IPO5: variants seen among roughly 807,000 people sequenced by gnomAD.
The protein encoded by IPO5 is importin-5.
Under a neutral mutation model 143.3 loss-of-function variants are expected in IPO5, and 18 were observed. The ratio of observed to expected loss-of-function variants is 0.13; its 90% confidence interval spans 0.09 to 0.19. IPO5 has a LOEUF of 0.19. Ranked by LOEUF, IPO5 falls within the 10% of genes least tolerant of loss-of-function variation. The pLI, the probability that IPO5 is intolerant of heterozygous loss-of-function variation, is 1.00. For synonymous variants in IPO5, 477 were observed against 465.7 expected, an observed-to-expected ratio of 1.02 and a Z score of -0.31; for missense variants, 1,013 against 1,336.9, an observed-to-expected ratio of 0.76 and a Z score of 3.78.
chr13:97,980,335 A>G (rs930698779), intron 4 of IPO5, among the ~76,000 whole-genome samples: 3 of 152,168 alleles, frequency 2.0e-5, no homozygotes, highest in African/African-American at 7.2e-5. Flanking sequence ...CTCTCAACAG[A>G]CATCATCTGT....
chr13:97,993,268 A>G (rs555562152), intron 11 of IPO5, 43 bp downstream of exon 11: 9 of 1,563,488 alleles, frequency 5.8e-6, no homozygotes, highest in South Asian at 4.6e-5. Context: ...ATTGTGGCCA[A>G]ATTTTTGGAT....
intron 4 of IPO5, chr13:97,981,119 T>A (rs1280720474): frequency 5.6e-6 from 2 of 354,920 alleles, no homozygotes; most frequent in Non-Finnish European, 1.1e-5. Context: ...TCCTCGGCTG[T>A]GAATACTTTT....
At position 98,002,702 on chromosome 13, in the gene IPO5, G is replaced by A; in HGVS notation, c.1252G>A (p.Ala418Thr). Residue 418 changes from alanine (A) to threonine (T), a missense_variant, in exon 15 of 29, where the codon GCA becomes ACA. Around this residue, in one of 2 missense-constraint regions of IPO5, gnomAD observed 685 missense variants for 994.9 expected, o/e 0.69. Coordinates refer to ENST00000651721, the MANE Select transcript of IPO5 (RefSeq NM_002271.6). ...TTTCCAGCATCCAAGAGTAAGGTAT[G>A]CAGCCTGTAATGCCGTGGGACAGAT... Reference protein sequence around the residue: ...LQDPHPRVRYAACNAVGQMAT... With the variant: ...LQDPHPRVRYTACNAVGQMAT... 6.2e-7 allele frequency: 1 copy of A among 1,612,032 alleles called. No homozygotes were observed. Among genetic ancestry groups the A allele is most frequent in the Non-Finnish European group, 8.5e-7 (1 of 1,179,162 alleles).
intron 4 of IPO5, 51 bp downstream of exon 4, chr13:97,976,837 CT>C: frequency 1.3e-6 from 1 of 797,656 alleles, no homozygotes; most frequent in Non-Finnish European, 1.8e-6. Context: ...CGCGCCGACC[CT>C]TTACCGACGC....
chr13:97,967,140 T>A (rs1375404515), intron 2 of IPO5, among the ~76,000 whole-genome samples: 5 of 152,272 alleles, frequency 3.3e-5, no homozygotes, highest in Admixed American at 1.3e-4. Context: ...TTTGCGTTTT[T>A]CTAGAAATGT....
intron 3 of IPO5, among the ~76,000 whole-genome samples, chr13:97,973,230 T>G (rs2139573716): frequency 6.6e-6 from 1 of 152,002 alleles, no homozygotes; most frequent in South Asian, 2.1e-4. Context: ...GTATTTCTAG[T>G]AGAGACGGGG....
intron 17 of IPO5, among the ~76,000 whole-genome samples, chr13:98,006,654 G>C (rs1486792867): frequency 6.6e-6 from 1 of 151,858 alleles, no homozygotes; most frequent in Admixed American, 6.6e-5. Flanking sequence ...GATTACAGGC[G>C]TGAGCCACTG....
chr13:98,015,848 A>G (rs1367139415), intron 24 of IPO5, 67 bp downstream of exon 24: 15 of 961,744 alleles, frequency 1.6e-5, no homozygotes, highest in East Asian at 2.4e-5. Context: ...AAATGCCTCA[A>G]TTTCTGATTT....
chr13:97,969,307 G>C (rs973767680), intron 2 of IPO5, among the ~76,000 whole-genome samples: 1 of 149,338 alleles, frequency 6.7e-6, no homozygotes, highest in Admixed American at 6.7e-5. Flanking sequence ...TCAGCCTCCC[G>C]AGTAGCTGGG....
chr13:98,002,176 G>A (rs1888856178), intron 13 of IPO5: 3 of 179,990 alleles, frequency 1.7e-5, no homozygotes, highest in Admixed American at 5.8e-5. Context: ...CACCGTGCCC[G>A]GCTAATTTTT....
intron 25 of IPO5, among the ~76,000 whole-genome samples, chr13:98,017,254 A>G (rs972933092): frequency 2.0e-5 from 3 of 151,500 alleles, no homozygotes; most frequent in Non-Finnish European, 4.4e-5. Context: ...ATATATATAT[A>G]TATGTATTTT....
intron 25 of IPO5, 84 bp downstream of exon 25, chr13:98,016,935 T>C: frequency 1.0e-6 from 1 of 993,782 alleles, no homozygotes; most frequent in South Asian, 2.2e-5. Flanking sequence ...ATGCTTGAAG[T>C]TAAAATGGGT....
intron 16 of IPO5, among the ~76,000 whole-genome samples, chr13:98,005,205 T>C (rs1889122944): frequency 1.3e-5 from 2 of 150,644 alleles, no homozygotes; most frequent in Non-Finnish European, 2.9e-5. Context: ...CTTCTTTTTT[T>C]TTTTTTCCCC....
intron 13 of IPO5, among the ~76,000 whole-genome samples, chr13:98,001,255 A>T (rs548010301): frequency 2.0e-4 from 30 of 152,162 alleles, no homozygotes; most frequent in Middle Eastern, 3.4e-3. Context: ...TTATTGTTGT[A>T]TGTGTTTTAT....
chr13:97,980,459 C>T (rs927266601), intron 4 of IPO5, among the ~76,000 whole-genome samples: 1 of 152,144 alleles, frequency 6.6e-6, no homozygotes, highest in Non-Finnish European at 1.5e-5. Flanking sequence ...TTAGCATAGT[C>T]ACACCAACAG....
chr13:97,961,480 C>T (rs893065870), intron 2 of IPO5, among the ~76,000 whole-genome samples: 4 of 152,178 alleles, frequency 2.6e-5, no homozygotes, highest in Non-Finnish European at 4.4e-5. Context: ...TACAGGCATG[C>T]GTCACCACAC....
At chr13:97,978,321 AGT>A (rs1886558616) in intron 4 of IPO5, among the ~76,000 whole-genome samples, 1 of 152,154 alleles carries the variant, frequency 6.6e-6, no homozygotes, top group African/African-American at 2.4e-5. Flanking sequence ...TTGCCTCATA[AGT>A]GAGGTTTTGG....
At chr13:97,998,316 A>G (rs1425774303) in intron 12 of IPO5, among the ~76,000 whole-genome samples, 3 of 152,084 alleles carry the variant, frequency 2.0e-5, no homozygotes, top group African/African-American at 7.2e-5. Context: ...AATTATTTCC[A>G]AGTTTTTTGT....
chr13:97,997,183 A>T (rs1186839160), intron 11 of IPO5, among the ~76,000 whole-genome samples: 1 of 152,232 alleles, frequency 6.6e-6, no homozygotes, highest in African/African-American at 2.4e-5. Context: ...ATAGTACTAT[A>T]ATTTTGTATA....
Sources: allele counts gnomAD v4.1 joint callset (sites outside exome capture counted in the v4.1 genomes callset), GRCh38; gene constraint gnomAD v4.1.1; regional missense constraint gnomAD v4.1.1; transcripts MANE v1.5; gene names NCBI Gene and HGNC (gene_info 2026-07-23, HGNC 2026-07-21).